CNTNAP2: variants seen among roughly 807,000 people sequenced by gnomAD.
CNTNAP2 encodes contactin-associated protein-like 2.
A neutral mutation model predicts 155.2 loss-of-function variants in CNTNAP2; 98 were observed. The observed-to-expected ratio is 0.63, with a 90% CI of 0.54 to 0.75. The LOEUF (loss-of-function observed/expected upper bound fraction) is 0.75. Ranked by LOEUF, CNTNAP2 falls within the 30% of genes least tolerant of loss-of-function variation. The pLI is 0.00. For missense variants in CNTNAP2, 1,727 were observed against 1,688.1 expected (o/e 1.02, Z -0.40); for synonymous variants, 651 against 631.2 (o/e 1.03, Z -0.47).
At chr7:146,536,590 T>C (rs559879931) in intron 1 of CNTNAP2, among the ~76,000 whole-genome samples, 2,959 of 147,370 alleles carry the variant, frequency 0.02, 99 homozygotes, top group African/African-American at 0.069. Flanking sequence ...TCCCCCATGT[T>C]CCCCCCCCAC....
chr7:147,307,874 T>G (rs1795059872), intron 9 of CNTNAP2, among the ~76,000 whole-genome samples: 1 of 152,202 alleles, frequency 6.6e-6, no homozygotes, highest in Non-Finnish European at 1.5e-5. Flanking sequence ...GATTAATAAA[T>G]ATTTTCTGAA....
intron 9 of CNTNAP2, among the ~76,000 whole-genome samples, chr7:147,308,785 T>C (rs1795075430): frequency 6.6e-6 from 1 of 152,192 alleles, no homozygotes; most frequent in Admixed American, 6.5e-5. Flanking sequence ...TTCTAGTTTC[T>C]TTTGATGGGT....
At chr7:147,344,584 G>C (rs549303705) in intron 9 of CNTNAP2, among the ~76,000 whole-genome samples, 3 of 152,162 alleles carry the variant, frequency 2.0e-5, no homozygotes, top group Admixed American at 1.3e-4. Flanking sequence ...GCTGTTAAAG[G>C]GTCTTTATAC....
chr7:147,663,005 T>A (rs1266553981), intron 13 of CNTNAP2, among the ~76,000 whole-genome samples: 6 of 152,112 alleles, frequency 3.9e-5, no homozygotes, highest in Admixed American at 2.6e-4. Context: ...GTTTGTTTGT[T>A]TGTTTGTTTT....
intron 1 of CNTNAP2, among the ~76,000 whole-genome samples, chr7:146,244,933 A>T (rs1231887051): frequency 6.6e-6 from 1 of 151,894 alleles, no homozygotes; most frequent in Non-Finnish European, 1.5e-5. Flanking sequence ...CTCGAGCTTG[A>T]TGTGTAGGGA....
chr7:147,968,154 A>G (rs1801257505), intron 14 of CNTNAP2, among the ~76,000 whole-genome samples: 1 of 152,214 alleles, frequency 6.6e-6, no homozygotes, highest in Admixed American at 6.5e-5. Context: ...AGTTCCATGA[A>G]ACAATATATC....
chr7:147,265,926 T>G (rs1010882347), intron 8 of CNTNAP2, among the ~76,000 whole-genome samples: 2 of 151,914 alleles, frequency 1.3e-5, no homozygotes, highest in African/African-American at 2.4e-5. Flanking sequence ...ACCTGACTAT[T>G]GAAAGAAAAA....
At chr7:147,072,178 C>T (rs1799905319) in intron 4 of CNTNAP2, among the ~76,000 whole-genome samples, 1 of 152,008 alleles carries the variant, frequency 6.6e-6, no homozygotes. Flanking sequence ...TTCAGGTAAA[C>T]AAAAGAGCAT....
chr7:146,484,833 G>A (rs140247109), intron 1 of CNTNAP2, among the ~76,000 whole-genome samples: 6 of 152,198 alleles, frequency 3.9e-5, no homozygotes, highest in Admixed American at 6.5e-5. Context: ...GGAGCATTAC[G>A]TCTTTCCTCC....
At chr7:147,577,352 A>T (rs539302831) in intron 12 of CNTNAP2, among the ~76,000 whole-genome samples, 1 of 152,088 alleles carries the variant, frequency 6.6e-6, no homozygotes. Context: ...ATAGAAGAAG[A>T]GGATTTGACA....
intron 8 of CNTNAP2, among the ~76,000 whole-genome samples, chr7:147,207,877 T>C (rs1803053764): frequency 6.6e-6 from 1 of 152,302 alleles, no homozygotes; most frequent in South Asian, 2.1e-4. Flanking sequence ...GTTTTCTCAA[T>C]GGCCATAATA....
chr7:148,254,938 T>C (rs1258255121), intron 20 of CNTNAP2, among the ~76,000 whole-genome samples: 3 of 152,188 alleles, frequency 2.0e-5, no homozygotes. Flanking sequence ...AGTCATGTTC[T>C]AAGTTATCAA....
chr7:146,639,185 G>C (rs1799663170), intron 1 of CNTNAP2, among the ~76,000 whole-genome samples: 2 of 152,140 alleles, frequency 1.3e-5, no homozygotes, highest in Non-Finnish European at 2.9e-5. Context: ...TTATATATTT[G>C]AGACTAAAAG....
At chr7:147,333,442 A>G (rs1351589034) in intron 9 of CNTNAP2, among the ~76,000 whole-genome samples, 1 of 152,234 alleles carries the variant, frequency 6.6e-6, no homozygotes, top group Admixed American at 6.5e-5. Context: ...TTGTCATTGA[A>G]TGCTAACAGC....
At chr7:148,218,936 C>CTTTTTTTT (rs746349465) in intron 19 of CNTNAP2, among the ~76,000 whole-genome samples, 4 of 73,646 alleles carry the variant, frequency 5.4e-5, no homozygotes, top group Admixed American at 1.8e-4. Flanking sequence ...TAAGATCACT[C>CTTTTTTTT]TTTTTTTTTT....
intron 2 of CNTNAP2, among the ~76,000 whole-genome samples, chr7:146,827,701 C>A (rs912634487): frequency 6.6e-6 from 1 of 152,010 alleles, no homozygotes; most frequent in African/African-American, 2.4e-5. Flanking sequence ...GATTTGCACC[C>A]AGAAAACTGA....
intron 22 of CNTNAP2, among the ~76,000 whole-genome samples, chr7:148,388,630 T>C (rs1411126460): frequency 6.6e-6 from 1 of 152,146 alleles, no homozygotes; most frequent in African/African-American, 2.4e-5. Context: ...GTTTCCAGTT[T>C]TTCTGCTCTG....
chr7:146,674,385 T>G (rs1800359783), intron 1 of CNTNAP2, among the ~76,000 whole-genome samples: 1 of 152,040 alleles, frequency 6.6e-6, no homozygotes, highest in Admixed American at 6.6e-5. Context: ...ATTTTAGAAA[T>G]AAGAAAATGG....
chr7:147,936,300 A>ATTTTT (rs56980866), intron 14 of CNTNAP2, among the ~76,000 whole-genome samples: 4 of 147,914 alleles, frequency 2.7e-5, no homozygotes, highest in South Asian at 4.2e-4. Flanking sequence ...CATTTATTTT[A>ATTTTT]TTTTTTTTTT....
Sources: allele counts gnomAD v4.1 joint callset (sites outside exome capture counted in the v4.1 genomes callset), GRCh38; gene constraint gnomAD v4.1.1; transcripts MANE v1.5; gene names NCBI Gene and HGNC (gene_info 2026-07-23, HGNC 2026-07-21).